Variants in PCM1 observed in about 807,000 individuals in gnomAD.
PCM1 encodes the protein pericentriolar material 1.
A neutral mutation model predicts 241.9 loss-of-function variants in PCM1; 157 were observed. The observed-to-expected ratio is 0.65, with a 90% CI of 0.57 to 0.74. The LOEUF is 0.74. Ranked by LOEUF, PCM1 falls within the 30% of genes least tolerant of loss-of-function variation. PCM1 has a pLI of 0.00. For synonymous variants in PCM1, 1,085 were observed against 784.9 expected (o/e 1.38, Z -6.39); for missense variants, 3,478 against 2,360.1 (o/e 1.47, Z -9.81).
At chr8:17,933,826 G>C (rs1437993333) in intron 2 of PCM1, among the ~76,000 whole-genome samples, 1 of 151,926 alleles carries the variant, frequency 6.6e-6, no homozygotes, top group African/African-American at 2.4e-5. Flanking sequence ...AGAATGCCAA[G>C]TAACTGATAT....
At chr8:17,952,025 C>G (rs1655757592) in intron 8 of PCM1, among the ~76,000 whole-genome samples, 2 of 152,012 alleles carry the variant, frequency 1.3e-5, no homozygotes, top group South Asian at 4.1e-4. Flanking sequence ...GTGTTTGAGA[C>G]CAGCCTGGCC....
intron 27 of PCM1, among the ~76,000 whole-genome samples, chr8:17,991,222 CAAAAT>C (rs2084517589): frequency 6.6e-6 from 1 of 152,014 alleles, no homozygotes; most frequent in South Asian, 2.1e-4. Context: ...AATGAAACAA[CAAAAT>C]GAAATAAATA....
chr8:17,951,455 G>T (rs148284533), intron 8 of PCM1, among the ~76,000 whole-genome samples: 1 of 152,330 alleles, frequency 6.6e-6, no homozygotes, highest in East Asian at 1.9e-4. Context: ...GAAGGAGGTA[G>T]ATGGAAGAAT....
chr8:17,959,911 A>G (rs2070860242), intron 13 of PCM1, 103 bp from the exon 14 acceptor site: 1 of 1,118,456 alleles, frequency 8.9e-7, no homozygotes, highest in Non-Finnish European at 1.3e-6. Flanking sequence ...TACTGCTTTA[A>G]TCTTTTTATG....
At chr8:17,991,998 C>G (rs1010733241) in intron 28 of PCM1, among the ~76,000 whole-genome samples, 1 of 152,202 alleles carries the variant, frequency 6.6e-6, no homozygotes, top group Non-Finnish European at 1.5e-5. Flanking sequence ...TTAACGGTCT[C>G]CAACTCTACC....
intron 2 of PCM1, among the ~76,000 whole-genome samples, chr8:17,935,145 C>T (rs1045018961): frequency 2.0e-5 from 3 of 152,162 alleles, no homozygotes; most frequent in South Asian, 2.1e-4. Context: ...GCAGTTCTCC[C>T]GTCTTTGACT....
chr8:17,941,529 T>TG (rs1353650271), intron 6 of PCM1, among the ~76,000 whole-genome samples: 161 of 110,498 alleles, frequency 1.5e-3, no homozygotes, highest in African/African-American at 3.0e-3. Context: ...GATTTTTGTT[T>TG]TTTTTTTTTT....
chr8:18,003,538 T>G (rs2090312591), intron 29 of PCM1, among the ~76,000 whole-genome samples: 1 of 152,196 alleles, frequency 6.6e-6, no homozygotes, highest in African/African-American at 2.4e-5. Context: ...GCAGAATTCC[T>G]TCCTCTCTTC....
intron 13 of PCM1, among the ~76,000 whole-genome samples, chr8:17,958,285 G>A (rs1015517064): frequency 2.6e-5 from 4 of 152,006 alleles, no homozygotes; most frequent in African/African-American, 9.7e-5. Flanking sequence ...ACCAGAGCCT[G>A]CGATCTTAAC....
intron 26 of PCM1, among the ~76,000 whole-genome samples, chr8:17,987,400 A>G (rs548681706): frequency 6.6e-6 from 1 of 151,828 alleles, no homozygotes; most frequent in African/African-American, 2.4e-5. Context: ...CTTTTATCCA[A>G]GTTTCATACA....
intron 34 of PCM1, among the ~76,000 whole-genome samples, chr8:18,013,533 C>T (rs2092771947): frequency 6.6e-6 from 1 of 152,190 alleles, no homozygotes; most frequent in African/African-American, 2.4e-5. Flanking sequence ...TCTCCAGCTC[C>T]TGCCCCAACA....
chr8:17,943,011 AAG>A (rs1299943765), intron 6 of PCM1, among the ~76,000 whole-genome samples: 1 of 147,262 alleles, frequency 6.8e-6, no homozygotes, highest in African/African-American at 2.5e-5. Flanking sequence ...AAAAAAAAAA[AAG>A]AGTTTGAATA....
rs1466455811 is a variant in PCM1, at chr8:17,953,004, A to G, written c.1106A>G (p.Glu369Gly). 2 of 1,606,442 alleles carry G rather than the reference A, an allele frequency of 1.2e-6. No individual in the cohort carries two copies. Among genetic ancestry groups the G allele is most frequent in the Non-Finnish European group, 1.7e-6 (2 of 1,176,096 alleles). Reference sequence around the variant, plus strand: ...GTTCCAGACAATAGAAGACAGGCAGAAAGTCTTTCATTAACTAGGGAGGTT... The same window carrying G: ...GTTCCAGACAATAGAAGACAGGCAGGAAGTCTTTCATTAACTAGGGAGGTT... ...PAVPDNRRQA[E>G]SLSLTREVSQ... The change falls in exon 9 of 39, where the codon GAA (glutamate) becomes GGA (glycine). Residue 369 changes from glutamate (E) to glycine (G), a missense_variant. Physicochemically the swap from Glu to Gly is moderately conservative, Grantham distance 98. Transcript: ENST00000325083.
chr8:18,019,811 C>A (rs945867306), intron 36 of PCM1, among the ~76,000 whole-genome samples: 1 of 152,184 alleles, frequency 6.6e-6, no homozygotes, highest in South Asian at 2.1e-4. Context: ...AGGCCCTGGA[C>A]TGGTACTGGG....
At chr8:18,011,852 T>C (rs781143212) in intron 34 of PCM1, 25 bp downstream of exon 34, 1 of 1,556,046 alleles carries the variant, frequency 6.4e-7, no homozygotes, top group South Asian at 1.2e-5. Flanking sequence ...ACTGACACAC[T>C]TCCATCAGCC....
intron 15 of PCM1, among the ~76,000 whole-genome samples, chr8:17,961,152 G>A (rs934720861): frequency 6.6e-6 from 1 of 152,064 alleles, no homozygotes; most frequent in African/African-American, 2.4e-5. Context: ...AGAGTAAGTT[G>A]TATATACTTT....
At chr8:17,951,993 C>T (rs1421434208) in intron 8 of PCM1, among the ~76,000 whole-genome samples, 1 of 151,950 alleles carries the variant, frequency 6.6e-6, no homozygotes, top group African/African-American at 2.4e-5. Context: ...GAGGCCGAGG[C>T]GGGTGGATCA....
chr8:18,017,394 G>GAT (rs1313685932), intron 36 of PCM1, among the ~76,000 whole-genome samples: 4 of 152,216 alleles, frequency 2.6e-5, no homozygotes, highest in African/African-American at 4.8e-5. Context: ...GCAAGTCACT[G>GAT]ATATGGCTAT....
At chr8:17,968,427 A>C (rs2075705247) in intron 21 of PCM1, among the ~76,000 whole-genome samples, 2 of 152,180 alleles carry the variant, frequency 1.3e-5, no homozygotes, top group South Asian at 4.1e-4. Context: ...GGTGAACAGA[A>C]GGCTGTCATA....
Sources: allele counts gnomAD v4.1 joint callset (sites outside exome capture counted in the v4.1 genomes callset), GRCh38; gene constraint gnomAD v4.1.1; transcripts MANE v1.5; gene names NCBI Gene and HGNC (gene_info 2026-07-23, HGNC 2026-07-21).